Variants in NFKB1 observed in about 807,000 individuals in gnomAD.
NFKB1 encodes nuclear factor NF-kappa-B p105 subunit.
In NFKB1, 9 loss-of-function variants were observed where a neutral mutation model predicts 105.1. The observed-to-expected ratio is 0.09, with a 90% CI of 0.05 to 0.15. The LOEUF is 0.15. NFKB1 is among the 10% of genes least tolerant of loss of function. NFKB1 has a pLI of 1.00. For synonymous variants in NFKB1, 440 were observed against 442.2 expected, an observed-to-expected ratio of 1.00 and a Z score of 0.06; for missense variants, 830 against 1,203.7, an observed-to-expected ratio of 0.69 and a Z score of 4.59.
chr4:102,585,206 G>A (rs1725620559), intron 11 of NFKB1, among the ~76,000 whole-genome samples: 1 of 152,110 alleles, frequency 6.6e-6, no homozygotes, highest in Non-Finnish European at 1.5e-5. Flanking sequence ...CTTGTTCTGA[G>A]AAGAGGACAA....
intron 19 of NFKB1, among the ~76,000 whole-genome samples, chr4:102,609,350 AC>A (rs1404483655): frequency 6.6e-6 from 1 of 151,958 alleles, no homozygotes; most frequent in Non-Finnish European, 1.5e-5. Context: ...GGTGGCTCAC[AC>A]CTGTAATCCC....
chr4:102,507,298 G>A (rs900614297), intron 1 of NFKB1, among the ~76,000 whole-genome samples: 1 of 152,106 alleles, frequency 6.6e-6, no homozygotes, highest in African/African-American at 2.4e-5. Context: ...TCAGTCTGCA[G>A]CTTCTGGGCA....
intron 5 of NFKB1, among the ~76,000 whole-genome samples, chr4:102,538,393 A>T (rs1187390979): frequency 1.3e-5 from 2 of 152,238 alleles, no homozygotes; most frequent in African/African-American, 4.8e-5. Context: ...TGTAGCTTTG[A>T]ATAGGTTTAA....
Position 102,584,723 on chromosome 4 carries a change from T to C in NFKB1, c.969T>C (p.Asn323=). 6.2e-7 allele frequency: 1 copy of C among 1,611,898 alleles called. No homozygotes were observed. The highest frequency in any genetic ancestry group is 8.5e-7 in the Non-Finnish European group (1 of 1,179,148). ...AAACTCCAAAGTATAAAGATATTAA[T>C]ATTACAAAACCAGCCTCTGTGTTTG... is the stretch of plus-strand genomic sequence containing the variant. ...VFKTPKYKDI[N]ITKPASVFVQ... The change falls in exon 11 of 24, where the codon AAT becomes AAC. Residue 323 remains asparagine, a synonymous_variant. Transcript: ENST00000226574.
chr4:102,529,200 T>G (rs570185735), intron 2 of NFKB1, among the ~76,000 whole-genome samples: 1 of 152,164 alleles, frequency 6.6e-6, no homozygotes. Flanking sequence ...GGGTCGTTAT[T>G]CAGCTTAACA....
intron 8 of NFKB1, among the ~76,000 whole-genome samples, chr4:102,579,508 A>G (rs1429189337): frequency 6.6e-6 from 1 of 151,932 alleles, no homozygotes; most frequent in Non-Finnish European, 1.5e-5. Flanking sequence ...CATAGACAGC[A>G]TGTGACTTCA....
At chr4:102,576,833 C>T in intron 6 of NFKB1, 43 bp from the exon 7 acceptor site, 1 of 1,566,930 alleles carries the variant, frequency 6.4e-7, no homozygotes, top group Non-Finnish European at 8.6e-7. Flanking sequence ...AAGTGCCTAA[C>T]TTTTGGTTGT....
At chr4:102,504,097 C>T (rs1333788389) in intron 1 of NFKB1, among the ~76,000 whole-genome samples, 1 of 152,084 alleles carries the variant, frequency 6.6e-6, no homozygotes, top group East Asian at 1.9e-4. Flanking sequence ...ACTTCATAAC[C>T]TTCAATTGGT....
chr4:102,524,019 T>C (rs1286159363), intron 1 of NFKB1, among the ~76,000 whole-genome samples: 3 of 151,744 alleles, frequency 2.0e-5, no homozygotes, highest in Non-Finnish European at 4.4e-5. Context: ...GACTGCTAGA[T>C]AGACTTTATG....
chr4:102,601,768 C>A (rs1578817692), intron 16 of NFKB1, among the ~76,000 whole-genome samples: 1 of 152,290 alleles, frequency 6.6e-6, no homozygotes, highest in East Asian at 1.9e-4. Flanking sequence ...CCCAGTGACC[C>A]CAGCCAGCCT....
At chr4:102,507,048 T>TAC (rs1240259492) in intron 1 of NFKB1, among the ~76,000 whole-genome samples, 1 of 149,218 alleles carries the variant, frequency 6.7e-6, no homozygotes, top group Non-Finnish European at 1.5e-5. Context: ...ATATTTAATA[T>TAC]ATATTAGTTA....
rs748603280 is a variant in NFKB1 at position 102,607,130 on chromosome 4, TC to T, written c.1955-17del. ...AGTTAGCCATCCCATCCTGTGACTG[TC>T]CCTTTGCTTGGACTCTAGGTCTGAA... On this transcript the variant is annotated intron_variant, in intron 17 of 23. Transcript: ENST00000226574. The T allele has an allele frequency of 6.2e-7, 1 of 1,613,990 alleles. No individual in the cohort carries two copies. Among genetic ancestry groups the T allele is most frequent in the Admixed American group, 1.7e-5 (1 of 60,024 alleles).
intron 5 of NFKB1, among the ~76,000 whole-genome samples, chr4:102,554,492 C>G (rs977479778): frequency 2.6e-5 from 4 of 152,236 alleles, no homozygotes; most frequent in South Asian, 2.1e-4. Context: ...TTCAGACTCT[C>G]TATAAACTGT....
chr4:102,518,873 G>A (rs904793337), intron 1 of NFKB1, among the ~76,000 whole-genome samples: 1 of 152,172 alleles, frequency 6.6e-6, no homozygotes, highest in Non-Finnish European at 1.5e-5. Flanking sequence ...TGTTTGCATG[G>A]TAACAATGTT....
chr4:102,542,473 ATCTTACCTTATTTGCTTT>A (rs1283176388), intron 5 of NFKB1, among the ~76,000 whole-genome samples: 1 of 151,790 alleles, frequency 6.6e-6, no homozygotes, highest in Non-Finnish European at 1.5e-5. Context: ...AGGTATTAGC[ATCTTACCTTATTTGCTTT>A]TGATAGCTCT....
At chr4:102,556,492 A>G (rs1254308715) in intron 5 of NFKB1, among the ~76,000 whole-genome samples, 2 of 152,050 alleles carry the variant, frequency 1.3e-5, no homozygotes, top group Non-Finnish European at 2.9e-5. Context: ...TGAAATGGGG[A>G]GTTGGGGGAG....
At chr4:102,564,002 T>G (rs1302866504) in intron 5 of NFKB1, among the ~76,000 whole-genome samples, 1 of 151,874 alleles carries the variant, frequency 6.6e-6, no homozygotes, top group East Asian at 1.9e-4. Context: ...GTATTTTTAG[T>G]AAAGACAGGG....
chr4:102,604,760 C>G (rs182699560), intron 16 of NFKB1, among the ~76,000 whole-genome samples: 2 of 151,890 alleles, frequency 1.3e-5, no homozygotes, highest in Non-Finnish European at 2.9e-5. Context: ...CTTATGTCCT[C>G]TTGTGGATTT....
chr4:102,539,640 A>G (rs139275955), intron 5 of NFKB1, among the ~76,000 whole-genome samples: 94 of 152,302 alleles, frequency 6.2e-4, no homozygotes, highest in African/African-American at 2.2e-3. Flanking sequence ...TTAAACACCA[A>G]AGACTTGCCA....
Sources: gnomAD v4.1 joint callset for allele counts (sites outside exome capture counted in the v4.1 genomes callset) on GRCh38, gnomAD v4.1.1 for gene constraint, MANE v1.5 for transcripts, NCBI Gene and HGNC (gene_info 2026-07-23, HGNC 2026-07-21) for gene names.